SLC9A5: variants seen among roughly 807,000 people sequenced by gnomAD.
SLC9A5 encodes the protein solute carrier family 9 member A5.
A neutral mutation model predicts 91.7 loss-of-function variants in SLC9A5; 52 were observed. The ratio of observed to expected loss-of-function variants is 0.57; its 90% CI spans 0.45 to 0.71. The LOEUF (loss-of-function observed/expected upper bound fraction) is 0.71. SLC9A5 is among the 30% of genes least tolerant of loss of function. The pLI, the probability that SLC9A5 is intolerant of heterozygous loss-of-function variation, is 0.00. For synonymous variants in SLC9A5, 419 were observed against 474.5 expected (o/e 0.88, Z 1.52); for missense variants, 871 against 1,158.9 (o/e 0.75, Z 3.61).
Position 67,264,526 on chromosome 16 carries a change from T to C in SLC9A5, c.2013+4T>C. The C allele has an allele frequency of 1.2e-6, 2 of 1,614,018 alleles. No homozygotes were observed. Among genetic ancestry groups the C allele is most frequent in the Non-Finnish European group, 8.5e-7 (1 of 1,179,896 alleles). ...CCGCAAGACTGGCCGCAGGAAGGCA[T>C]GTCTTCCCTCAGGGACTCCTCTTGG... is the stretch of plus-strand genomic sequence containing the variant. On this transcript the variant is annotated splice_donor_region_variant and intron_variant, in intron 13 of 15. Coordinates refer to ENST00000299798, the MANE Select transcript of SLC9A5 (RefSeq NM_004594.3).
chr16:67,256,047 G>A lies in SLC9A5; in HGVS notation c.911+117G>A. On this transcript the variant is annotated intron_variant, in intron 5 of 15. Coordinates refer to ENST00000299798, the MANE Select transcript of SLC9A5 (RefSeq NM_004594.3). This position sits in a 1 kb window ranked among gnomAD's most constrained non-coding sequence, Gnocchi z 4.1. ...CCATAGGTTTCCCTGAGCCCTTGTG[G>A]TAGTGGGAGCCTCAGACTGTCCTGG... is the stretch of plus-strand genomic sequence containing the variant. The A allele has an allele frequency of 8.9e-7, 1 of 1,127,310 alleles. No homozygotes were observed. Among genetic ancestry groups the A allele is most frequent in the Non-Finnish European group, 1.3e-6 (1 of 796,680 alleles). 69.8% of individuals were successfully genotyped at this position (1,127,310 alleles called of 1,614,324 possible).
Position 67,270,816 on chromosome 16 carries a change from G to A in SLC9A5, c.2297G>A (p.Ser766Asn). ...GCAGAAAAGGAGCTCCCCTGGAAGA[G>A]TGGGCAGGGGGACCTGGCAGTGTAC... ...TCAEKELPWK[S>N]GQGDLAVYVS... is the part of the protein sequence containing the mutation. The change falls in exon 16 of 16, where the codon AGT becomes AAT. Residue 766 changes from serine (S) to asparagine (N), a missense_variant. Coordinates refer to ENST00000299798, the MANE Select transcript of SLC9A5 (RefSeq NM_004594.3). The surrounding 1 kb of genome is among the most constrained non-coding windows in gnomAD (Gnocchi z 4.3). 1 of 1,614,144 alleles carries A rather than the reference G, an allele frequency of 6.2e-7. No individual in the cohort carries two copies. Among genetic ancestry groups the A allele is most frequent in the Non-Finnish European group, 8.5e-7 (1 of 1,180,006 alleles).
chr16:67,263,955 T>C (rs1016921394), intron 12 of SLC9A5, among the ~76,000 whole-genome samples: 1 of 152,106 alleles, frequency 6.6e-6, no homozygotes, highest in African/African-American at 2.4e-5. Context: ...GAAAGGATCC[T>C]GTGTAGCTAG....
rs752077865 is a variant in SLC9A5 at position 67,259,963 on chromosome 16, A to C, written c.1842+17A>C. 24 of 1,612,486 alleles carry C rather than the reference A, an allele frequency of 1.5e-5. No individual in the cohort carries two copies. The highest frequency in any genetic ancestry group is 2.0e-5 in the Non-Finnish European group (24 of 1,179,176). ...CGCCGTAGGGTGAGAGCAGGCAGGC[A>C]TCAGGATTTTGAGGGGGTGGAGGTG... On this transcript the variant is annotated intron_variant, in intron 12 of 15. Transcript: ENST00000299798.
In SLC9A5 at chr16:67,271,259, TC is replaced by T. The variant is rs1567424638; in HGVS notation, c.*52del. 1.4e-5 allele frequency: 21 copies of T among 1,500,526 alleles called. No homozygotes were observed. The highest frequency in any genetic ancestry group is 1.9e-5 in the Non-Finnish European group (21 of 1,101,174). The allele number at this position is 1,500,526 out of a possible 1,614,324, so 93.0% of individuals were successfully genotyped here. A position where few individuals can be genotyped will look rare whatever the true frequency, so the allele number is the denominator to read the frequency against. On this transcript the variant is annotated 3_prime_UTR_variant, in exon 16 of 16. Coordinates refer to ENST00000299798, the MANE Select transcript of SLC9A5 (RefSeq NM_004594.3). ...GAGGTGGAATCCCTGTGGGAAGTGC[TC>T]CCTGGGTGATGGGTAGAGCCCTCGA...
chr16:67,271,260 C>G lies in SLC9A5; in HGVS notation c.*50C>G. 2.0e-6 allele frequency: 3 copies of G among 1,496,632 alleles called. No individual in the cohort carries two copies. Among genetic ancestry groups the G allele is most frequent in the Non-Finnish European group, 2.7e-6 (3 of 1,098,206 alleles). The allele number at this position is 1,496,632 out of a possible 1,614,324, so 92.7% of individuals were successfully genotyped here. On this transcript the variant is annotated 3_prime_UTR_variant, in exon 16 of 16. Coordinates refer to ENST00000299798, the MANE Select transcript of SLC9A5 (RefSeq NM_004594.3). ...AGGTGGAATCCCTGTGGGAAGTGCTCCCTGGGTGATGGGTAGAGCCCTCGA... is the reference window on the plus strand; with the variant it reads ...AGGTGGAATCCCTGTGGGAAGTGCTGCCTGGGTGATGGGTAGAGCCCTCGA...
At chr16:67,265,780 C>T (rs530645492) in intron 14 of SLC9A5, among the ~76,000 whole-genome samples, 18 of 152,184 alleles carry the variant, frequency 1.2e-4, no homozygotes, top group Non-Finnish European at 2.4e-4. Context: ...TCCAAGTGCT[C>T]ATGTTTCCAG....
Position 67,249,206 on chromosome 16 carries a change from G to T in SLC9A5, c.187+5G>T. ...TGGCCAGTCTGGCCAAAATCGGTGA[G>T]TGCGTGTGTGCGTGCGCCAGGCCGA... On this transcript the variant is annotated splice_donor_5th_base_variant and intron_variant, in intron 1 of 15. Coordinates refer to ENST00000299798, the MANE Select transcript of SLC9A5 (RefSeq NM_004594.3). 1 of 1,451,520 alleles carries T rather than the reference G, an allele frequency of 6.9e-7. No individual in the cohort carries two copies. Among genetic ancestry groups the T allele is most frequent in the Non-Finnish European group, 9.1e-7 (1 of 1,102,440 alleles). The allele number at this position is 1,451,520 out of a possible 1,614,324, so 89.9% of individuals were successfully genotyped here.
chr16:67,256,044 G>A lies in SLC9A5; in HGVS notation c.911+114G>A, dbSNP rs547261898. On this transcript the variant is annotated intron_variant, in intron 5 of 15. Transcript: ENST00000299798. The surrounding 1 kb of genome is among the most constrained non-coding windows in gnomAD (Gnocchi z 4.1). ...AGTCCATAGGTTTCCCTGAGCCCTTGTGGTAGTGGGAGCCTCAGACTGTCC... is the reference window on the plus strand; with the variant it reads ...AGTCCATAGGTTTCCCTGAGCCCTTATGGTAGTGGGAGCCTCAGACTGTCC... The A allele has an allele frequency of 2.6e-6, 3 of 1,146,232 alleles. No individual in the cohort carries two copies. In the African/African-American group the frequency reaches 4.6e-5, roughly 18 times the overall value. The allele number at this position is 1,146,232 out of a possible 1,614,324, so 71.0% of individuals were successfully genotyped here.
intron 12 of SLC9A5, among the ~76,000 whole-genome samples, chr16:67,260,731 G>T (rs2035506213): frequency 6.6e-6 from 1 of 152,202 alleles, no homozygotes; most frequent in Non-Finnish European, 1.5e-5. Context: ...GACCAGCTTA[G>T]CCTGTGGAAG....
At position 67,270,685 on chromosome 16, in the gene SLC9A5, C is replaced by T. The variant is rs1347942817; in HGVS notation, c.2219-53C>T. On this transcript the variant is annotated intron_variant, in intron 15 of 15. Coordinates refer to ENST00000299798, the MANE Select transcript of SLC9A5 (RefSeq NM_004594.3). This position sits in a 1 kb window ranked among gnomAD's most constrained non-coding sequence, Gnocchi z 4.3. ...ATGAATTTATAAGAATGTGCTTATA[C>T]TTGAGATTTCCACTGTATTGGTAAT... 1 of 1,245,778 alleles carries T rather than the reference C, an allele frequency of 8.0e-7. No homozygotes were observed. Among genetic ancestry groups the T allele is most frequent in the East Asian group, 2.5e-5 (1 of 39,690 alleles). 77.2% of individuals were successfully genotyped at this position (1,245,778 alleles called of 1,614,324 possible). A position where few individuals can be genotyped will look rare whatever the true frequency, so the allele number is the denominator to read the frequency against.
rs777363887 is a variant in SLC9A5 at position 67,255,635 on chromosome 16, G to A, written c.734-118G>A. 34 of 1,350,006 alleles carry A rather than the reference G, an allele frequency of 2.5e-5. No homozygotes were observed. The highest frequency in any genetic ancestry group is 1.8e-4 in the Middle Eastern group (1 of 5,594). 83.6% of individuals were successfully genotyped at this position (1,350,006 alleles called of 1,614,324 possible). A position where few individuals can be genotyped will look rare whatever the true frequency, so the allele number is the denominator to read the frequency against. On this transcript the variant is annotated intron_variant, in intron 4 of 15. Transcript: ENST00000299798. The surrounding 1 kb of genome is among the most constrained non-coding windows in gnomAD (Gnocchi z 4.9). ...GCTTGCCAGGGATCCTGGCTCTGGG[G>A]TTTTGAGCCCCTGGGAGTGCGGTGG... is the stretch of plus-strand genomic sequence containing the variant.
intron 13 of SLC9A5, 99 bp downstream of exon 13, chr16:67,264,621 T>C (rs2035640283): frequency 8.1e-7 from 1 of 1,239,798 alleles, no homozygotes; most frequent in African/African-American, 1.5e-5. Flanking sequence ...GGAACCCCAG[T>C]TGGGACAGTC....
Position 67,257,253 on chromosome 16 carries a change from G to A in SLC9A5, c.1336-92G>A. On this transcript the variant is annotated intron_variant, in intron 7 of 15. Transcript: ENST00000299798. This position sits in a 1 kb window ranked among gnomAD's most constrained non-coding sequence, Gnocchi z 5.1. ...CCAGACCTTGAGTGCAGTGGGGTAG[G>A]GGTACTGAAGCTGAAGCCTCATTAC... The A allele has an allele frequency of 1.5e-6, 2 of 1,362,074 alleles. No individual in the cohort carries two copies. The highest frequency in any genetic ancestry group is 2.9e-5 in the African/African-American group (2 of 70,080). 84.4% of individuals were successfully genotyped at this position (1,362,074 alleles called of 1,614,324 possible).
At chr16:67,261,217 C>T (rs1288069200) in intron 12 of SLC9A5, 1 of 152,246 alleles carries the variant, frequency 6.6e-6, no homozygotes, top group Non-Finnish European at 1.5e-5. Flanking sequence ...TCTCTTCCCA[C>T]AGCCCAAGAT....
Position 67,257,483 on chromosome 16 carries a change from A to G in SLC9A5, c.1426-48A>G. 4 of 1,613,330 alleles carry G rather than the reference A, an allele frequency of 2.5e-6. No homozygotes were observed. Among genetic ancestry groups the G allele is most frequent in the South Asian group, 1.1e-5 (1 of 91,064 alleles). ...CGCCTGTCCCTCTCGACCTTCTCCTATTTTGGGCAGAGTCCTGATCCAGTC... is the reference window on the plus strand; with the variant it reads ...CGCCTGTCCCTCTCGACCTTCTCCTGTTTTGGGCAGAGTCCTGATCCAGTC... On this transcript the variant is annotated intron_variant, in intron 8 of 15. Coordinates refer to ENST00000299798, the MANE Select transcript of SLC9A5 (RefSeq NM_004594.3). The surrounding 1 kb of genome is among the most constrained non-coding windows in gnomAD (Gnocchi z 5.1).
rs745814137 is a variant in SLC9A5 at position 67,257,343 on chromosome 16, A to G, written c.1336-2A>G. ...CAGGGCTCACCTCCTGCCTGTCCAT[A>G]GGGCTTGACCATCAAGCCACTGGTC... On this transcript the variant is annotated splice_acceptor_variant, in intron 7 of 15. Transcript: ENST00000299798. LOFTEE classifies it high-confidence loss of function. This position sits in a 1 kb window ranked among gnomAD's most constrained non-coding sequence, Gnocchi z 5.1. The G allele has an allele frequency of 1.2e-6, 2 of 1,612,632 alleles. No homozygotes were observed. Among genetic ancestry groups the G allele is most frequent in the African/African-American group, 2.7e-5 (2 of 74,894 alleles).
chr16:67,265,165 T>C (rs2142378672), intron 14 of SLC9A5, 59 bp downstream of exon 14: 1 of 1,543,426 alleles, frequency 6.5e-7, no homozygotes, highest in Non-Finnish European at 9.0e-7. Context: ...GGCTGGGGCT[T>C]GCCAGCCAGA....
At chr16:67,264,719 G>A (rs1352176962) in intron 13 of SLC9A5, among the ~76,000 whole-genome samples, 197 bp downstream of exon 13, 1 of 152,176 alleles carries the variant, frequency 6.6e-6, no homozygotes, top group Non-Finnish European at 1.5e-5. Context: ...TTCAGAGGGG[G>A]AGCAGCCTCT....
Sources: gnomAD v4.1 joint callset for allele counts (sites outside exome capture counted in the v4.1 genomes callset) on GRCh38, gnomAD v4.1.1 for gene constraint, Gnocchi (gnomAD v3.1) non-coding constraint, MANE v1.5 for transcripts, NCBI Gene and HGNC (gene_info 2026-07-23, HGNC 2026-07-21) for gene names.